The following CSMD1 variants were observed in gnomAD, a reference collection of about 807,000 sequenced individuals.
CSMD1 encodes the protein CUB and Sushi multiple domains 1, also known as CUB and sushi domain-containing protein 1.
Under a neutral mutation model 417.5 loss-of-function variants are expected in CSMD1, and 213 were observed. That is an observed-to-expected ratio of 0.51 (90% CI 0.46 to 0.57). The LOEUF is 0.57. CSMD1 is among the 20% of genes least tolerant of loss of function. The probability of loss-of-function intolerance (pLI) is 0.00; values close to 1 mark genes in which losing one functional copy is unlikely to be tolerated. For synonymous variants in CSMD1, 2,862 were observed against 1,736.8 expected (o/e 1.65, Z -16.11); for missense variants, 6,923 against 4,529.7 (o/e 1.53, Z -15.17).
chr8:3,907,214 A>G (rs1168407699), intron 5 of CSMD1, among the ~76,000 whole-genome samples: 1 of 152,248 alleles, frequency 6.6e-6, no homozygotes, highest in Non-Finnish European at 1.5e-5. Flanking sequence ...TCATACAGCA[A>G]ATAAAAATTT....
chr8:4,953,597 A>G (rs542901340), intron 1 of CSMD1, among the ~76,000 whole-genome samples: 4 of 152,326 alleles, frequency 2.6e-5, no homozygotes, highest in Non-Finnish European at 5.9e-5. Context: ...TAGTCATAAA[A>G]TTTAGTAAAG....
chr8:3,615,650 G>C (rs906149918), intron 8 of CSMD1, among the ~76,000 whole-genome samples: 10 of 152,130 alleles, frequency 6.6e-5, no homozygotes, highest in African/African-American at 1.7e-4. Flanking sequence ...AACGACCGTT[G>C]TTACTCCAAT....
chr8:4,605,600 A>G (rs940536811), intron 2 of CSMD1, among the ~76,000 whole-genome samples: 1 of 152,228 alleles, frequency 6.6e-6, no homozygotes, highest in Non-Finnish European at 1.5e-5. Context: ...ATGAATAGTC[A>G]ATAAAATCTA....
chr8:4,722,502 G>C (rs941874916), intron 1 of CSMD1, among the ~76,000 whole-genome samples: 2 of 152,000 alleles, frequency 1.3e-5, no homozygotes, highest in Non-Finnish European at 2.9e-5. Context: ...TTAGGACTTG[G>C]GAGGATTGCT....
intron 1 of CSMD1, among the ~76,000 whole-genome samples, chr8:4,875,773 G>C (rs1803005129): frequency 6.6e-6 from 1 of 151,942 alleles, no homozygotes; most frequent in Non-Finnish European, 1.5e-5. Context: ...TCAGAGGATA[G>C]GGAACTCTAA....
intron 1 of CSMD1, among the ~76,000 whole-genome samples, chr8:4,873,970 T>C (rs765760477): frequency 4.6e-5 from 7 of 152,112 alleles, no homozygotes; most frequent in Non-Finnish European, 8.8e-5. Flanking sequence ...GCTATAAATA[T>C]GCAATCTCAT....
intron 15 of CSMD1, among the ~76,000 whole-genome samples, chr8:3,400,012 T>C (rs1487904053): frequency 6.6e-6 from 1 of 152,200 alleles, no homozygotes; most frequent in African/African-American, 2.4e-5. Flanking sequence ...ACATGCAACA[T>C]ATTATTTGTG....
At chr8:4,091,174 C>T (rs1800700843) in intron 3 of CSMD1, among the ~76,000 whole-genome samples, 2 of 152,140 alleles carry the variant, frequency 1.3e-5, no homozygotes, top group African/African-American at 4.8e-5. Context: ...ATGGCTCGGC[C>T]TCCCAAAGTG....
intron 2 of CSMD1, among the ~76,000 whole-genome samples, chr8:4,503,563 G>T (rs1330815988): frequency 2.0e-5 from 3 of 152,130 alleles, no homozygotes; most frequent in Non-Finnish European, 4.4e-5. Flanking sequence ...AAATGGATTG[G>T]TATATGATAA....
rs1419444251 is a variant in CSMD1, at chr8:4,265,828, G to C, written c.415+154125C>G. Reference sequence around the variant, plus strand: ...ACTCTCACCATTTACCTATCAACTTGGTTACCCTAAAAGCCAGCTATTTCT... The same window carrying C: ...ACTCTCACCATTTACCTATCAACTTCGTTACCCTAAAAGCCAGCTATTTCT... On this transcript the variant is annotated intron_variant, in intron 3 of 69. Transcript: ENST00000635120. Among the ~76,000 whole-genome samples, 3 of 104,608 alleles carry C rather than the reference G, an allele frequency of 2.9e-5. 1 individual carries two copies. The highest frequency in any genetic ancestry group is 5.1e-5 in the Non-Finnish European group (2 of 38,932). The allele number at this position is 104,608 out of a possible 152,430, so 68.6% of individuals were successfully genotyped here. A position where few individuals can be genotyped will look rare whatever the true frequency, so the allele number is the denominator to read the frequency against.
chr8:4,686,202 G>T (rs1026753780), intron 1 of CSMD1, among the ~76,000 whole-genome samples: 1 of 152,216 alleles, frequency 6.6e-6, no homozygotes, highest in Non-Finnish European at 1.5e-5. Flanking sequence ...CACCTTTGGA[G>T]TTAGTAAGGC....
chr8:4,617,680 A>G (rs559923742), intron 2 of CSMD1, among the ~76,000 whole-genome samples: 1 of 152,168 alleles, frequency 6.6e-6, no homozygotes, highest in South Asian at 2.1e-4. Context: ...GTTTCAGATC[A>G]AAGCCCTCAG....
intron 4 of CSMD1, among the ~76,000 whole-genome samples, chr8:4,019,029 G>C (rs191829247): frequency 7.2e-5 from 11 of 152,194 alleles, no homozygotes; most frequent in Non-Finnish European, 1.3e-4. Context: ...CAGTGACTAA[G>C]ATGAAATCTT....
At chr8:3,863,297 T>C (rs1397364468) in intron 5 of CSMD1, among the ~76,000 whole-genome samples, 1 of 150,204 alleles carries the variant, frequency 6.7e-6, no homozygotes, top group African/African-American at 2.5e-5. Context: ...CTCAGGAGGC[T>C]GAGGCAGGAG....
intron 3 of CSMD1, among the ~76,000 whole-genome samples, chr8:4,068,601 AAACATATCTAGTTCATATAATG>A (rs1199576284): frequency 6.6e-6 from 1 of 152,200 alleles, no homozygotes; most frequent in African/African-American, 2.4e-5. Flanking sequence ...TGATTGCAGA[AAACATATCTAGTTCATATAATG>A]TTACCATATC....
chr8:4,818,817 C>T (rs550634340), intron 1 of CSMD1, among the ~76,000 whole-genome samples: 13 of 152,252 alleles, frequency 8.5e-5, no homozygotes, highest in African/African-American at 2.6e-4. Flanking sequence ...ATTAGAGACT[C>T]ACCATGGAAT....
At chr8:3,097,830 G>A (rs563064446) in intron 46 of CSMD1, among the ~76,000 whole-genome samples, 1 of 152,290 alleles carries the variant, frequency 6.6e-6, no homozygotes, top group Non-Finnish European at 1.5e-5. Context: ...GGGACCCTGG[G>A]AAGAGGAAGA....
At position 3,649,077 on chromosome 8, in the gene CSMD1, G is replaced by A. The variant is rs538588830; in HGVS notation, c.1010-32280C>T. Among the ~76,000 whole-genome samples the A allele has an allele frequency of 1.4e-4, 22 of 152,220 alleles. No homozygotes were observed. The South Asian group carries it at 4.4e-3, about 30-fold the overall frequency. On this transcript the variant is annotated intron_variant, in intron 7 of 69. Transcript: ENST00000635120. Reference sequence around the variant, plus strand: ...GATTTAAAGCCCAGGGTTTTTTCTGGTCTTTCTCTAGCACTCTGTCTTACT... The same window carrying A: ...GATTTAAAGCCCAGGGTTTTTTCTGATCTTTCTCTAGCACTCTGTCTTACT...
chr8:3,115,249 T>A (rs560695032), intron 42 of CSMD1, among the ~76,000 whole-genome samples: 17 of 134,440 alleles, frequency 1.3e-4, no homozygotes, highest in African/African-American at 4.5e-4. Flanking sequence ...TCACCCAGGC[T>A]GGAGTGCAAT....
Sources: allele counts gnomAD v4.1 joint callset (sites outside exome capture counted in the v4.1 genomes callset), GRCh38; gene constraint gnomAD v4.1.1; transcripts MANE v1.5; gene names NCBI Gene and HGNC (gene_info 2026-07-23, HGNC 2026-07-21).